Variants in MTCL1 observed in about 807,000 individuals in gnomAD.
MTCL1 encodes microtubule crosslinking factor 1.
A neutral mutation model predicts 141.4 loss-of-function variants in MTCL1; 79 were observed. The observed-to-expected ratio is 0.56, with a 90% CI of 0.47 to 0.67. MTCL1 has a LOEUF of 0.67. Among genes scored for constraint, MTCL1 ranks in the 30% least tolerant of loss-of-function variants. MTCL1 has a pLI of 0.00. For missense variants in MTCL1, 2,177 were observed against 2,113.9 expected (o/e 1.03, Z -0.59); for synonymous variants, 914 against 875.8 (o/e 1.04, Z -0.77).
exon 6 of MTCL1, chr18:8,784,813 C>G: frequency 6.2e-7 from 1 of 1,605,476 alleles, no homozygotes. Context: ...CCATCGGGAA[C>G]CTGGGGAAGG....
At chr18:8,774,074 G>T (rs976917001) in intron 4 of MTCL1, among the ~76,000 whole-genome samples, 2 of 152,192 alleles carry the variant, frequency 1.3e-5, no homozygotes, top group Non-Finnish European at 2.9e-5. Flanking sequence ...CCTCGCAGTG[G>T]AGAGCAGCCA....
chr18:8,768,810 G>A (rs1440619494), intron 4 of MTCL1, among the ~76,000 whole-genome samples: 1 of 30,248 alleles, frequency 3.3e-5, no homozygotes, highest in Admixed American at 3.6e-4. Flanking sequence ...TTTTTTTTTT[G>A]AGATGGAGTC....
At chr18:8,747,791 C>T (rs1358244268) in intron 4 of MTCL1, among the ~76,000 whole-genome samples, 2 of 152,184 alleles carry the variant, frequency 1.3e-5, no homozygotes, top group African/African-American at 2.4e-5. Flanking sequence ...CCCTGCCCTG[C>T]GAGGACAGGA....
At chr18:8,809,907 C>T (rs1469278584) in intron 11 of MTCL1, 9 of 281,610 alleles carry the variant, frequency 3.2e-5, no homozygotes, top group South Asian at 2.0e-4. Flanking sequence ...CCATGGAGGA[C>T]GCTGCAGGAC....
At chr18:8,741,535 A>C (rs1352212991) in intron 4 of MTCL1, among the ~76,000 whole-genome samples, 1 of 152,242 alleles carries the variant, frequency 6.6e-6, no homozygotes, top group Non-Finnish European at 1.5e-5. Context: ...GCAACTAAGT[A>C]AAAGATTATG....
rs184402453 is a variant in MTCL1, at chr18:8,819,057, G to A, written c.2954G>A (p.Arg985His). The change falls in exon 13 of 17, where the codon CGC (arginine) becomes CAC (histidine). Residue 985 changes from arginine to histidine, a missense_variant. Transcript: ENST00000359865. ...CCCTTTCCCCACCAGGGAAGCCTCC[G>A]CATGCCCCGTCCAGTGGCCATGTGG... is the stretch of plus-strand genomic sequence containing the variant. 25 of 1,614,248 alleles carry A rather than the reference G, an allele frequency of 1.5e-5. No homozygotes were observed. The East Asian group carries it at 4.2e-4, about 27-fold the overall frequency.
At chr18:8,792,135 A>G (rs967203341) in intron 7 of MTCL1, among the ~76,000 whole-genome samples, 2 of 152,230 alleles carry the variant, frequency 1.3e-5, no homozygotes, top group African/African-American at 2.4e-5. Context: ...TATTGCAACA[A>G]TCTACTCTAA....
rs761001010 is a variant in MTCL1, at chr18:8,831,721, C to T, written c.*133C>T. 12 of 1,550,544 alleles carry T rather than the reference C, an allele frequency of 7.7e-6. No homozygotes were observed. The East Asian group carries it at 2.0e-4, about 25-fold the overall frequency. ...GGCCCCACATTCCCCCACTGCCTCA[C>T]AGCCTCAGTCACCCGGAGACCCGAC... On this transcript the variant is annotated 3_prime_UTR_variant, in exon 17 of 17. Coordinates refer to ENST00000359865, the Ensembl canonical transcript of MTCL1.
At chr18:8,801,043 A>T (rs982989984) in intron 10 of MTCL1, among the ~76,000 whole-genome samples, 4 of 152,200 alleles carry the variant, frequency 2.6e-5, no homozygotes, top group Non-Finnish European at 5.9e-5. Flanking sequence ...CTCAGGACTG[A>T]GTAGACTCCA....
intron 7 of MTCL1, chr18:8,789,866 C>A: frequency 3.8e-6 from 1 of 266,572 alleles, no homozygotes; most frequent in Non-Finnish European, 5.8e-6. Context: ...AGTTGTGTGG[C>A]AGTAGAGTAA....
chr18:8,759,814 C>T (rs1193618512), intron 4 of MTCL1, among the ~76,000 whole-genome samples: 1 of 152,102 alleles, frequency 6.6e-6, no homozygotes, highest in Non-Finnish European at 1.5e-5. Flanking sequence ...GGTCCCAGAG[C>T]TTGAAGCGGG....
intron 4 of MTCL1, among the ~76,000 whole-genome samples, chr18:8,728,254 T>C (rs933442997): frequency 2.6e-5 from 4 of 152,252 alleles, no homozygotes; most frequent in Admixed American, 6.5e-5. Context: ...GTGTTACTTC[T>C]CTGAGTTCAG....
chr18:8,823,967 G>A (rs753157117), intron 14 of MTCL1, among the ~76,000 whole-genome samples: 27 of 152,210 alleles, frequency 1.8e-4, no homozygotes, highest in Admixed American at 8.5e-4. Flanking sequence ...GGTGAAAGGA[G>A]TATCAGTATG....
chr18:8,783,839 C>T (rs377180005), exon 6 of MTCL1: 19 of 1,612,888 alleles, frequency 1.2e-5, no homozygotes, highest in African/African-American at 4.0e-5. Flanking sequence ...GGAGGACATG[C>T]GGGGCCAGCA....
At chr18:8,783,611 G>C (rs1248851520) in exon 6 of MTCL1, 1 of 1,613,740 alleles carries the variant, frequency 6.2e-7, no homozygotes, top group South Asian at 1.1e-5. Context: ...GGCCAAGCTA[G>C]GAAGGGAGAA....
At chr18:8,792,939 C>T (rs2075785450) in intron 7 of MTCL1, 59 bp from the exon 7 acceptor site, 5 of 1,599,264 alleles carry the variant, frequency 3.1e-6, no homozygotes, top group Admixed American at 1.7e-5. Context: ...TGTCCTGCGT[C>T]GTCACCTCAG....
At chr18:8,826,678 A>G (rs968393229) in intron 15 of MTCL1, among the ~76,000 whole-genome samples, 25 of 152,134 alleles carry the variant, frequency 1.6e-4, no homozygotes, top group African/African-American at 6.0e-4. Context: ...GAGCACGAGC[A>G]CTTCTCATCA....
intron 4 of MTCL1, among the ~76,000 whole-genome samples, chr18:8,772,644 TAAAC>T (rs1045988207): frequency 5.3e-5 from 8 of 150,902 alleles, no homozygotes; most frequent in African/African-American, 9.7e-5. Context: ...TATGTTAACA[TAAAC>T]ATACATGTTA....
At position 8,828,965 on chromosome 18, in the gene MTCL1, G is replaced by A; in HGVS notation, c.*18+1G>A. 1 of 1,614,230 alleles carries A rather than the reference G, an allele frequency of 6.2e-7. No individual in the cohort carries two copies. The highest frequency in any genetic ancestry group is 1.1e-5 in the South Asian group (1 of 91,076). ...ACTCTAGCCCTGCCCGCCTCACGCT[G>A]TAAGTGCTTCCTTCCTTGTTTCCCA... is the stretch of plus-strand genomic sequence containing the variant. On this transcript the variant is annotated splice_donor_variant, in intron 16 of 16. Transcript: ENST00000359865. LOFTEE classifies it low-confidence loss of function (3UTR_SPLICE). This position sits in a 1 kb window ranked among gnomAD's most constrained non-coding sequence, Gnocchi z 5.2.
Sources: allele counts gnomAD v4.1 joint callset (sites outside exome capture counted in the v4.1 genomes callset), GRCh38; gene constraint gnomAD v4.1.1; non-coding constraint Gnocchi (gnomAD v3.1); transcripts MANE v1.5; gene names NCBI Gene and HGNC (gene_info 2026-07-23, HGNC 2026-07-21).